Variants in OSBPL8 observed in about 807,000 individuals in gnomAD.
The protein encoded by OSBPL8 is oxysterol-binding protein-related protein 8.
Under a neutral mutation model 125.5 loss-of-function variants are expected in OSBPL8, and 59 were observed. The observed-to-expected ratio is 0.47, with a 90% CI of 0.38 to 0.58. OSBPL8 has a LOEUF of 0.58. Ranked by LOEUF, OSBPL8 falls within the 20% of genes least tolerant of loss-of-function variation. OSBPL8 has a pLI of 0.00. For synonymous variants in OSBPL8, 330 were observed against 338.9 expected (o/e 0.97, Z 0.29); for missense variants, 758 against 1,047.8 (o/e 0.72, Z 3.82).
Position 76,389,760 on chromosome 12 carries a change from G to A in OSBPL8, c.1237C>T (p.Gln413Ter), listed in dbSNP as rs1167097912. Reference sequence around the variant, plus strand: ...GATAGGTCCATGCCAGGACGGACTTGTTTCAATAGTGTCCAGATAAGGCTT... The same window carrying A: ...GATAGGTCCATGCCAGGACGGACTTATTTCAATAGTGTCCAGATAAGGCTT... ...NKSLIWTLLK[Q>*]VRPGMDLSKV... is the part of the protein sequence containing the mutation. The change falls in exon 12 of 24, where the codon CAA becomes TAA. Residue 413 changes from glutamine (Q) to a stop codon, truncating the protein, a stop_gained. Transcript: ENST00000261183. LOFTEE classifies it high-confidence loss of function. The A allele has an allele frequency of 6.2e-7, 1 of 1,600,204 alleles. No homozygotes were observed. Among genetic ancestry groups the A allele is most frequent in the East Asian group, 2.2e-5 (1 of 44,458 alleles).
chr12:76,421,016 C>A (rs1235447381), intron 4 of OSBPL8, among the ~76,000 whole-genome samples: 1 of 151,932 alleles, frequency 6.6e-6, no homozygotes, highest in African/African-American at 2.4e-5. Flanking sequence ...GATAAACTGA[C>A]AATTTTGCCT....
At chr12:76,482,567 C>T (rs1050372148) in intron 2 of OSBPL8, among the ~76,000 whole-genome samples, 7 of 151,752 alleles carry the variant, frequency 4.6e-5, no homozygotes, top group South Asian at 4.1e-4. Context: ...GGGCCAAGAT[C>T]GTGCCATTGG....
intron 21 of OSBPL8, among the ~76,000 whole-genome samples, chr12:76,365,659 T>C (rs2136169216): frequency 6.6e-6 from 1 of 152,252 alleles, no homozygotes; most frequent in South Asian, 2.1e-4. Flanking sequence ...AAAGTGGGAA[T>C]GTTTGTCTTG....
intron 3 of OSBPL8, among the ~76,000 whole-genome samples, chr12:76,454,978 T>C (rs895131747): frequency 2.6e-5 from 4 of 151,904 alleles, no homozygotes; most frequent in African/African-American, 9.7e-5. Context: ...CTCAAGCCTG[T>C]AATCCCAGCA....
intron 3 of OSBPL8, among the ~76,000 whole-genome samples, chr12:76,458,474 G>C (rs569695320): frequency 1.3e-5 from 2 of 152,218 alleles, no homozygotes; most frequent in South Asian, 4.2e-4. Context: ...AGGATCACTT[G>C]AGACCAGGAG....
At chr12:76,484,424 T>C (rs1350810408) in intron 2 of OSBPL8, among the ~76,000 whole-genome samples, 5 of 152,208 alleles carry the variant, frequency 3.3e-5, no homozygotes, top group Non-Finnish European at 7.3e-5. Flanking sequence ...ATTTATCTTT[T>C]TGTAGAGAAG....
chr12:76,544,974 A>T (rs181590523), intron 1 of OSBPL8, among the ~76,000 whole-genome samples: 54 of 152,284 alleles, frequency 3.5e-4, no homozygotes, highest in Admixed American at 6.5e-4. Flanking sequence ...CTAAAAGGCC[A>T]TTGGTTCCAA....
chr12:76,454,628 A>G (rs1378253514), intron 3 of OSBPL8, among the ~76,000 whole-genome samples: 1 of 151,930 alleles, frequency 6.6e-6, no homozygotes, highest in Non-Finnish European at 1.5e-5. Flanking sequence ...CTGAGGTGGG[A>G]GCATCACTTG....
chr12:76,522,070 G>A (rs765798158), intron 1 of OSBPL8, among the ~76,000 whole-genome samples: 20 of 152,132 alleles, frequency 1.3e-4, no homozygotes, highest in African/African-American at 3.9e-4. Flanking sequence ...TTGGTCTGGT[G>A]ACATTTAGAA....
chr12:76,484,208 C>A lies in OSBPL8; in HGVS notation c.42+3302G>T, dbSNP rs150133396. Among the ~76,000 whole-genome samples, 203 of 152,254 alleles carry A rather than the reference C, an allele frequency of 1.3e-3. 1 individual carries two copies. Among genetic ancestry groups the A allele is most frequent in the Middle Eastern group, 6.8e-3 (2 of 294 alleles). ...GCCTTAATATTTTTTACTAATTATA[C>A]CCTGAATAAACTGAGCAATTAATTC... On this transcript the variant is annotated intron_variant, in intron 2 of 23. Coordinates refer to ENST00000261183, the MANE Select transcript of OSBPL8 (RefSeq NM_020841.5).
At chr12:76,521,423 C>T (rs1453980859) in intron 1 of OSBPL8, among the ~76,000 whole-genome samples, 2 of 152,102 alleles carry the variant, frequency 1.3e-5, no homozygotes, top group African/African-American at 4.8e-5. Context: ...AACAGAATTA[C>T]TATATGATCC....
At chr12:76,417,356 T>C (rs987078703) in intron 4 of OSBPL8, among the ~76,000 whole-genome samples, 5 of 152,238 alleles carry the variant, frequency 3.3e-5, no homozygotes, top group Non-Finnish European at 7.3e-5. Flanking sequence ...TTCACTATGA[T>C]GTGTTTAGGT....
At chr12:76,503,066 A>T (rs1880065828) in intron 1 of OSBPL8, among the ~76,000 whole-genome samples, 2 of 152,242 alleles carry the variant, frequency 1.3e-5, no homozygotes, top group African/African-American at 4.8e-5. Flanking sequence ...CTTTGGGGAA[A>T]AAGTACATTT....
At chr12:76,517,880 C>T (rs1026077456) in intron 1 of OSBPL8, among the ~76,000 whole-genome samples, 1 of 152,136 alleles carries the variant, frequency 6.6e-6, no homozygotes, top group Non-Finnish European at 1.5e-5. Flanking sequence ...GCTCTCATTA[C>T]CTAGGAGTGA....
intron 12 of OSBPL8, among the ~76,000 whole-genome samples, chr12:76,387,799 A>G (rs1953383429): frequency 6.6e-6 from 1 of 152,082 alleles, no homozygotes; most frequent in Admixed American, 6.6e-5. Flanking sequence ...CTCTCTTTCC[A>G]TCTTGGTTTA....
chr12:76,444,794 T>C (rs117781118), intron 4 of OSBPL8, among the ~76,000 whole-genome samples: 1 of 152,164 alleles, frequency 6.6e-6, no homozygotes, highest in Non-Finnish European at 1.5e-5. Context: ...GAAATCTATA[T>C]CTAAGCAAAG....
rs796596527 is a variant in OSBPL8, at chr12:76,424,003, G to GT, written c.218-13370dup. Among the ~76,000 whole-genome samples, 307 of 151,952 alleles carry GT rather than the reference G, an allele frequency of 2.0e-3. 1 individual carries two copies. The highest frequency in any genetic ancestry group is 7.1e-3 in the African/African-American group (295 of 41,490). ...AAAAGCAAAACTCAATTTCTTTTTT[G>GT]TTTTTTGGGTTTTTTTTGAGATGGA... On this transcript the variant is annotated intron_variant, in intron 4 of 23. Coordinates refer to ENST00000261183, the MANE Select transcript of OSBPL8 (RefSeq NM_020841.5).
chr12:76,500,304 A>T (rs1879768262), intron 1 of OSBPL8, among the ~76,000 whole-genome samples: 1 of 152,074 alleles, frequency 6.6e-6, no homozygotes, highest in Non-Finnish European at 1.5e-5. Context: ...TATTCTTATG[A>T]CTTCATATTT....
At chr12:76,425,170 C>T (rs1870000529) in intron 4 of OSBPL8, among the ~76,000 whole-genome samples, 1 of 152,124 alleles carries the variant, frequency 6.6e-6, no homozygotes, top group South Asian at 2.1e-4. Flanking sequence ...GAATTCCATA[C>T]CCAGCCAAAC....
Sources: gnomAD v4.1 joint callset for allele counts (sites outside exome capture counted in the v4.1 genomes callset) on GRCh38, gnomAD v4.1.1 for gene constraint, MANE v1.5 for transcripts, NCBI Gene and HGNC (gene_info 2026-07-23, HGNC 2026-07-21) for gene names.